Variants in PPM1E observed in about 807,000 individuals in gnomAD.
The protein encoded by PPM1E is protein phosphatase, Mg2+/Mn2+ dependent 1E, also known as protein phosphatase 1E.
A neutral mutation model predicts 65.9 loss-of-function variants in PPM1E; 20 were observed. That is an observed-to-expected ratio of 0.30 (90% confidence interval 0.21 to 0.44). The LOEUF (loss-of-function observed/expected upper bound fraction) is 0.44, where lower values mean the gene tolerates loss of function less well. PPM1E is among the 20% of genes least tolerant of loss of function. The probability of loss-of-function intolerance (pLI) is 1.00; values close to 1 mark genes in which losing one functional copy is unlikely to be tolerated. For synonymous variants in PPM1E, 352 were observed against 374.9 expected (o/e 0.94, Z 0.70); for missense variants, 713 against 953.1 (o/e 0.75, Z 3.32).
intron 1 of PPM1E, among the ~76,000 whole-genome samples, chr17:58,819,737 T>TTTTAAA (rs2050461163): frequency 6.6e-6 from 1 of 151,884 alleles, no homozygotes; most frequent in South Asian, 2.1e-4. Context: ...TGCTACATGC[T>TTTTAAA]TTTAAAGGAC....
intron 1 of PPM1E, among the ~76,000 whole-genome samples, chr17:58,920,748 G>C (rs975905673): frequency 1.3e-5 from 2 of 152,120 alleles, no homozygotes; most frequent in East Asian, 3.8e-4. Flanking sequence ...CCTAGTGTTC[G>C]AATGAGAGGT....
At chr17:58,955,536 G>A in intron 1 of PPM1E, 113 bp from the exon 2 acceptor site, 1 of 1,141,684 alleles carries the variant, frequency 8.8e-7, no homozygotes, top group Non-Finnish European at 1.3e-6. Context: ...ATTGTTTAAA[G>A]GTATAATTTT....
At chr17:58,856,142 G>A (rs2050879377) in intron 1 of PPM1E, among the ~76,000 whole-genome samples, 1 of 152,172 alleles carries the variant, frequency 6.6e-6, no homozygotes, top group African/African-American at 2.4e-5. Context: ...TTCCATTTAA[G>A]TGGTAATTGT....
intron 1 of PPM1E, among the ~76,000 whole-genome samples, chr17:58,826,278 C>G (rs919823718): frequency 6.8e-6 from 1 of 146,646 alleles, no homozygotes; most frequent in African/African-American, 2.5e-5. Flanking sequence ...GCCTGGCAGC[C>G]TGGGCAACAG....
intron 1 of PPM1E, among the ~76,000 whole-genome samples, chr17:58,834,862 C>G (rs1447406657): frequency 6.6e-6 from 1 of 151,878 alleles, no homozygotes; most frequent in Non-Finnish European, 1.5e-5. Context: ...TTTAGCTATT[C>G]TAGTTCCTTT....
At chr17:58,875,194 A>T (rs1414553906) in intron 1 of PPM1E, among the ~76,000 whole-genome samples, 1 of 152,232 alleles carries the variant, frequency 6.6e-6, no homozygotes, top group Non-Finnish European at 1.5e-5. Context: ...TCAACCAAGT[A>T]ACATATATTC....
At chr17:58,879,181 A>C (rs1276947722) in intron 1 of PPM1E, among the ~76,000 whole-genome samples, 1 of 151,962 alleles carries the variant, frequency 6.6e-6, no homozygotes, top group Non-Finnish European at 1.5e-5. Context: ...CACAAAATGT[A>C]CATCACAGCG....
chr17:58,756,558 G>C (rs1327183350), intron 1 of PPM1E, 97 bp downstream of exon 1: 1 of 1,213,212 alleles, frequency 8.2e-7, no homozygotes, highest in East Asian at 3.3e-5. Flanking sequence ...TCTCTTTTCT[G>C]CTCCTCTCCC....
chr17:58,869,092 C>G (rs2051040140), intron 1 of PPM1E, among the ~76,000 whole-genome samples: 1 of 152,134 alleles, frequency 6.6e-6, no homozygotes. Flanking sequence ...ATCACTTGAA[C>G]CCGGGAGGCA....
intron 1 of PPM1E, among the ~76,000 whole-genome samples, chr17:58,886,890 G>C (rs962103042): frequency 6.6e-6 from 1 of 152,160 alleles, no homozygotes; most frequent in African/African-American, 2.4e-5. Flanking sequence ...GGGAGACTGT[G>C]CATGTGTAGG....
At chr17:58,756,616 C>G (rs1373294367) in intron 1 of PPM1E, among the ~76,000 whole-genome samples, 155 bp downstream of exon 1, 1 of 151,964 alleles carries the variant, frequency 6.6e-6, no homozygotes, top group Non-Finnish European at 1.5e-5. Context: ...TGCTCGGACC[C>G]GGGCGGTCGG....
intron 1 of PPM1E, among the ~76,000 whole-genome samples, chr17:58,810,033 CT>C (rs34694297): frequency 0.24 from 36,366 of 151,994 alleles, 5,259 homozygotes; most frequent in Middle Eastern, 0.41. Flanking sequence ...ATTTTACAGT[CT>C]TTTTTTGTAC....
Position 58,959,199 on chromosome 17 carries a change from C to T in PPM1E, c.583+3432C>T, listed in dbSNP as rs539428884. The stretch of plus-strand genomic sequence containing the variant: ...TGGCGTACACCTGTAGTCCCAGCTA[C>T]TTGGGAGGCTGAGGCAGGAGAATCA... On this transcript the variant is annotated intron_variant, in intron 2 of 6. Coordinates refer to ENST00000308249, the MANE Select transcript of PPM1E (RefSeq NM_014906.5). Among the ~76,000 whole-genome samples, 5 of 149,678 alleles carry T rather than the reference C, an allele frequency of 3.3e-5. No individual in the cohort carries two copies. In the East Asian group the frequency reaches 1.0e-3, roughly 30 times the overall value.
rs71143299 is a variant in PPM1E at position 58,883,483 on chromosome 17, CT to C, written c.465-72148del. ...ATCTAGTAATTCTTCGCTGCCTGTTCTTTTTTTTTTTTTTTTTTGAGACGGA... is the reference window on the plus strand; with the variant it reads ...ATCTAGTAATTCTTCGCTGCCTGTTCTTTTTTTTTTTTTTTTTGAGACGGA... On this transcript the variant is annotated intron_variant, in intron 1 of 6. Transcript: ENST00000308249. 9.9e-3 allele frequency among the ~76,000 whole-genome samples: 1,106 copies of C among 111,852 alleles called. 10 individuals are homozygous for C. Among genetic ancestry groups the C allele is most frequent in the African/African-American group, 0.034 (1,011 of 29,396 alleles). The allele number at this position is 111,852 out of a possible 152,430, so 73.4% of individuals were successfully genotyped here. A position where few individuals can be genotyped will look rare whatever the true frequency, so the allele number is the denominator to read the frequency against.
chr17:58,860,267 T>A (rs576001703), intron 1 of PPM1E, among the ~76,000 whole-genome samples: 13 of 152,322 alleles, frequency 8.5e-5, no homozygotes, highest in African/African-American at 3.1e-4. Flanking sequence ...AATACTGTCC[T>A]AACCATCCTG....
intron 6 of PPM1E, among the ~76,000 whole-genome samples, chr17:58,973,561 TC>T (rs1225266300): frequency 6.6e-6 from 1 of 151,908 alleles, no homozygotes; most frequent in Non-Finnish European, 1.5e-5. Context: ...ACGCCTGTAA[TC>T]CCAGCACTTT....
intron 1 of PPM1E, among the ~76,000 whole-genome samples, chr17:58,915,942 C>G (rs563190266): frequency 2.6e-5 from 4 of 152,248 alleles, no homozygotes; most frequent in Admixed American, 1.3e-4. Flanking sequence ...TACAATCATA[C>G]TTCATCTTTA....
At chr17:58,765,877 CTTTTTT>C in intron 1 of PPM1E, among the ~76,000 whole-genome samples, 1 of 122,868 alleles carries the variant, frequency 8.1e-6, no homozygotes, top group Middle Eastern at 4.2e-3. Flanking sequence ...TTTGTAGTTT[CTTTTTT>C]TTTTTTTTTT....
chr17:58,825,071 T>C (rs1765120840), intron 1 of PPM1E, among the ~76,000 whole-genome samples: 1 of 152,014 alleles, frequency 6.6e-6, no homozygotes, highest in South Asian at 2.1e-4. Flanking sequence ...TATGGAGCAG[T>C]GTATACTGCT....
Sources: allele counts gnomAD v4.1 joint callset (sites outside exome capture counted in the v4.1 genomes callset), GRCh38; gene constraint gnomAD v4.1.1; transcripts MANE v1.5; gene names NCBI Gene and HGNC (gene_info 2026-07-23, HGNC 2026-07-21).